Variants in PRUNE2 observed in about 807,000 individuals in gnomAD.
PRUNE2 encodes the protein protein prune homolog 2.
PRUNE2 carries 164 observed loss-of-function variants against 252.0 expected under a neutral mutation model. That is an observed-to-expected ratio of 0.65 (90% confidence interval 0.57 to 0.74). PRUNE2 has a LOEUF of 0.74. PRUNE2 is among the 30% of genes least tolerant of loss of function. The probability of loss-of-function intolerance (pLI) is 0.00; values close to 1 mark genes in which losing one functional copy is unlikely to be tolerated. For missense variants in PRUNE2, 3,495 were observed against 3,711.0 expected (o/e 0.94, Z 1.51); for synonymous variants, 1,292 against 1,350.2 (o/e 0.96, Z 0.94).
intron 6 of PRUNE2, among the ~76,000 whole-genome samples, chr9:76,787,976 T>C (rs1011797512): frequency 2.0e-5 from 3 of 152,178 alleles, no homozygotes; most frequent in African/African-American, 4.8e-5. Flanking sequence ...CCTCGGAACA[T>C]TCCCTGTCTA....
At chr9:76,643,304 T>C (rs1364536733) in intron 12 of PRUNE2, among the ~76,000 whole-genome samples, 3 of 152,108 alleles carry the variant, frequency 2.0e-5, no homozygotes, top group Non-Finnish European at 4.4e-5. Flanking sequence ...CTGGGTGACT[T>C]TGATGTGACA....
chr9:76,825,025 A>C (rs1211195707), intron 5 of PRUNE2, among the ~76,000 whole-genome samples: 1 of 151,818 alleles, frequency 6.6e-6, no homozygotes, highest in East Asian at 1.9e-4. Flanking sequence ...GCCCCACCCC[A>C]TTTCCTCAAA....
At chr9:76,780,879 G>A (rs564121708) in intron 6 of PRUNE2, among the ~76,000 whole-genome samples, 3 of 152,106 alleles carry the variant, frequency 2.0e-5, no homozygotes, top group South Asian at 4.1e-4. Flanking sequence ...CGCAGGCTAC[G>A]CTGCAACCTA....
At chr9:76,683,652 T>C (rs1446885370) in intron 9 of PRUNE2, among the ~76,000 whole-genome samples, 3 of 152,160 alleles carry the variant, frequency 2.0e-5, no homozygotes, top group Non-Finnish European at 2.9e-5. Context: ...GCCAGGGTCA[T>C]GAACCCTGAA....
At chr9:76,897,683 T>C (rs897256944) in intron 1 of PRUNE2, among the ~76,000 whole-genome samples, 1 of 152,076 alleles carries the variant, frequency 6.6e-6, no homozygotes, top group East Asian at 1.9e-4. Context: ...TCCAAAGTGC[T>C]AGGATTACAG....
chr9:76,706,921 CCTT>C lies in PRUNE2; in HGVS notation c.5350_5352del (p.Lys1784del), dbSNP rs1196703418. On this transcript the variant is annotated inframe_deletion, in exon 8 of 19. Coordinates refer to ENST00000376718, the MANE Select transcript of PRUNE2 (RefSeq NM_015225.3). Reference sequence around the variant, plus strand: ...CCTGTTTCTGGAGAAGATCTCTTCTCCTTCTCCACTGCTGTAATCTGCATTTCA... The same window carrying C: ...CCTGTTTCTGGAGAAGATCTCTTCTCCTCCACTGCTGTAATCTGCATTTCA... The C allele has an allele frequency of 6.2e-7, 1 of 1,607,150 alleles. No homozygotes were observed.
chr9:76,737,673 A>G (rs1008665264), intron 6 of PRUNE2: 3 of 152,216 alleles, frequency 2.0e-5, no homozygotes, highest in African/African-American at 4.8e-5. Flanking sequence ...GAATACTAAG[A>G]GATTTCTTTT....
chr9:76,794,425 G>A (rs2055860764), intron 6 of PRUNE2, among the ~76,000 whole-genome samples: 6 of 152,016 alleles, frequency 3.9e-5, no homozygotes, highest in Admixed American at 3.3e-4. Flanking sequence ...GGTCATCCTG[G>A]CCAACACAGT....
intron 1 of PRUNE2, among the ~76,000 whole-genome samples, chr9:76,901,451 A>G (rs1437232399): frequency 2.6e-5 from 4 of 152,142 alleles, no homozygotes; most frequent in African/African-American, 4.8e-5. Context: ...CTTCTTCATC[A>G]TTACTAGTCC....
chr9:76,678,225 G>T (rs148209570), intron 9 of PRUNE2, among the ~76,000 whole-genome samples: 1 of 151,572 alleles, frequency 6.6e-6, no homozygotes, highest in Non-Finnish European at 1.5e-5. Flanking sequence ...GGTGGTGGGC[G>T]CCTTTAATCC....
At chr9:76,655,634 C>T in intron 9 of PRUNE2, 132 bp from the exon 10 acceptor site, 1 of 673,448 alleles carries the variant, frequency 1.5e-6, no homozygotes, top group Non-Finnish European at 2.7e-6. Flanking sequence ...GGGACTGAAT[C>T]CACTGTAAGT....
intron 6 of PRUNE2, among the ~76,000 whole-genome samples, chr9:76,728,124 T>C (rs1007713705): frequency 6.6e-6 from 1 of 152,202 alleles, no homozygotes; most frequent in African/African-American, 2.4e-5. Context: ...TTTGAGGGTA[T>C]AGCTATGTTA....
At chr9:76,827,714 C>T (rs1355110053) in intron 4 of PRUNE2, among the ~76,000 whole-genome samples, 2 of 152,190 alleles carry the variant, frequency 1.3e-5, no homozygotes, top group Non-Finnish European at 2.9e-5. Context: ...AATCCAAACA[C>T]ATGGCCTGAG....
rs376785510 is a variant in PRUNE2 at position 76,708,007 on chromosome 9, T to C, written c.4267A>G (p.Asn1423Asp). Residue 1423 changes from asparagine to aspartate, a missense_variant, in exon 8 of 19, where the codon AAC (asparagine) becomes GAC (aspartate). Asn to Asp is a conservative substitution (Grantham distance 23). Coordinates refer to ENST00000376718, the MANE Select transcript of PRUNE2 (RefSeq NM_015225.3). The stretch of plus-strand genomic sequence containing the variant: ...TCATGGGTATCTTTTGGCTGCAGGT[T>C]ATCTGCGGACATCCCTGTTTGCACA... ...RDVQTGMSAD[N>D]LQPKDTHEKH... 2.7e-5 allele frequency: 44 copies of C among 1,613,910 alleles called. No homozygotes were observed. Among genetic ancestry groups the C allele is most frequent in the Non-Finnish European group, 3.6e-5 (43 of 1,179,894 alleles).
At chr9:76,858,327 T>C (rs2060366878) in intron 1 of PRUNE2, among the ~76,000 whole-genome samples, 1 of 152,212 alleles carries the variant, frequency 6.6e-6, no homozygotes, top group Admixed American at 6.5e-5. Context: ...GGATGGGATA[T>C]GCTGAGGTGA....
At chr9:76,662,713 A>C (rs968604631) in intron 9 of PRUNE2, among the ~76,000 whole-genome samples, 1 of 152,226 alleles carries the variant, frequency 6.6e-6, no homozygotes, top group Non-Finnish European at 1.5e-5. Context: ...GGCCACTGAA[A>C]TATATACCTC....
chr9:76,884,582 A>C (rs2061980856), intron 1 of PRUNE2, among the ~76,000 whole-genome samples: 1 of 152,248 alleles, frequency 6.6e-6, no homozygotes, highest in Non-Finnish European at 1.5e-5. Context: ...CAAGAAAAAT[A>C]CATAAGAACT....
intron 9 of PRUNE2, among the ~76,000 whole-genome samples, chr9:76,698,171 C>T (rs572079056): frequency 2.6e-5 from 4 of 151,472 alleles, no homozygotes; most frequent in South Asian, 2.1e-4. Flanking sequence ...CTCAGCCTCC[C>T]GAGTAGCTGG....
At chr9:76,865,885 G>A (rs1162364141) in intron 1 of PRUNE2, among the ~76,000 whole-genome samples, 1 of 149,404 alleles carries the variant, frequency 6.7e-6, no homozygotes, top group Admixed American at 6.7e-5. Flanking sequence ...CCCACTTCAT[G>A]ATCTAAAGTT....
Sources: allele counts gnomAD v4.1 joint callset (sites outside exome capture counted in the v4.1 genomes callset), GRCh38; gene constraint gnomAD v4.1.1; transcripts MANE v1.5; gene names NCBI Gene and HGNC (gene_info 2026-07-23, HGNC 2026-07-21).